Variants in SNX10 observed in about 807,000 individuals in gnomAD.
The protein encoded by SNX10 is sorting nexin-10.
In SNX10, 25 loss-of-function variants were observed where a neutral mutation model predicts 28.5. That is an observed-to-expected ratio of 0.88 (90% CI 0.64 to 1.22). SNX10 has a LOEUF of 1.22. Among genes scored for constraint, SNX10 ranks in the 50% most tolerant of loss-of-function variants. The pLI is 0.00. For missense variants in SNX10, 223 were observed against 242.6 expected (o/e 0.92, Z 0.54); for synonymous variants, 62 against 81.4 (o/e 0.76, Z 1.28).
intron 1 of SNX10, among the ~76,000 whole-genome samples, chr7:26,335,909 A>G (rs1434296353): frequency 6.6e-6 from 1 of 150,654 alleles, no homozygotes; most frequent in Admixed American, 6.6e-5. Flanking sequence ...GCGCCCGGCT[A>G]ATTTTTTGTA....
At chr7:26,316,857 G>A (rs566359356) in intron 1 of SNX10, among the ~76,000 whole-genome samples, 90 of 152,248 alleles carry the variant, frequency 5.9e-4, no homozygotes, top group African/African-American at 2.0e-3. Context: ...CTGTCTGTGC[G>A]AATGTGTATG....
chr7:26,318,133 A>G (rs185893908), intron 1 of SNX10, among the ~76,000 whole-genome samples: 1 of 152,366 alleles, frequency 6.6e-6, no homozygotes, highest in East Asian at 1.9e-4. Context: ...CACATCGCCT[A>G]CATTTCTGAT....
chr7:26,351,682 A>T lies in SNX10; in HGVS notation c.24+5216A>T, dbSNP rs1788611090. Among the ~76,000 whole-genome samples the T allele has an allele frequency of 2.6e-5, 3 of 114,584 alleles. No individual in the cohort carries two copies. In the Admixed American group the frequency reaches 3.6e-4, roughly 14 times the overall value. The allele number at this position is 114,584 out of a possible 152,430, so 75.2% of individuals were successfully genotyped here. A position where few individuals can be genotyped will look rare whatever the true frequency, so the allele number is the denominator to read the frequency against. On this transcript the variant is annotated intron_variant, in intron 2 of 6. Transcript: ENST00000338523. ...TTGTTTTTTTTTTTTTTTGAGACCG[A>T]GTCTCTCTCTGTCGCCCAGGCTGGA... is the stretch of plus-strand genomic sequence containing the variant.
At chr7:26,353,391 A>G (rs1007153349) in intron 2 of SNX10, among the ~76,000 whole-genome samples, 6 of 142,868 alleles carry the variant, frequency 4.2e-5, no homozygotes, top group Admixed American at 1.5e-4. Context: ...AAATTGTTAT[A>G]TGGGGGTCCT....
At chr7:26,303,198 G>A (rs150425270) in intron 1 of SNX10, among the ~76,000 whole-genome samples, 1 of 152,284 alleles carries the variant, frequency 6.6e-6, no homozygotes, top group East Asian at 1.9e-4. Context: ...TCATCCCTTT[G>A]TGCTTCAGCT....
chr7:26,344,000 T>C (rs1374040096), intron 1 of SNX10, among the ~76,000 whole-genome samples: 4 of 152,080 alleles, frequency 2.6e-5, no homozygotes, highest in African/African-American at 9.7e-5. Flanking sequence ...AAATGTACCA[T>C]CTGATCCATT....
chr7:26,350,890 T>C (rs1379017693), intron 2 of SNX10, among the ~76,000 whole-genome samples: 1 of 152,222 alleles, frequency 6.6e-6, no homozygotes, highest in East Asian at 1.9e-4. Flanking sequence ...TTACAGGTAC[T>C]GTGAGGACTC....
rs1010385374 is a variant in SNX10 at position 26,315,292 on chromosome 7, T to G, written c.-24+23206T>G. Among the ~76,000 whole-genome samples the G allele has an allele frequency of 6.4e-4, 98 of 152,214 alleles. 1 individual carries two copies. The highest frequency in any genetic ancestry group is 2.0e-4 in the Admixed American group (3 of 15,276). On this transcript the variant is annotated intron_variant, in intron 1 of 6. Transcript: ENST00000338523. ...ATGCCATTATCATATCCTGGAAATT[T>G]AACTTTATACAGTACATTATCTAAT... is the stretch of plus-strand genomic sequence containing the variant.
intron 5 of SNX10, among the ~76,000 whole-genome samples, chr7:26,370,137 G>T (rs1789460249): frequency 6.6e-6 from 1 of 152,164 alleles, no homozygotes; most frequent in Non-Finnish European, 1.5e-5. Context: ...TGTACTTATG[G>T]CAGGCAGGAA....
chr7:26,330,927 A>T (rs372881940), intron 1 of SNX10, among the ~76,000 whole-genome samples: 5 of 152,252 alleles, frequency 3.3e-5, no homozygotes, highest in African/African-American at 9.6e-5. Flanking sequence ...AGACAGGAGG[A>T]TCACTTGAGC....
intron 1 of SNX10, among the ~76,000 whole-genome samples, chr7:26,341,160 A>G (rs73285219): frequency 0.034 from 5,108 of 152,172 alleles, 213 homozygotes; most frequent in African/African-American, 0.11. Flanking sequence ...TTAGTCAGGC[A>G]TGGTGGCTTG....
intron 1 of SNX10, among the ~76,000 whole-genome samples, chr7:26,318,698 G>C (rs11973583): frequency 0.52 from 78,658 of 152,024 alleles, 20,665 homozygotes; most frequent in East Asian, 0.79. Context: ...TTTCGAACTT[G>C]AGACTCAAGT....
At chr7:26,346,656 T>C (rs1203302274) in intron 2 of SNX10, among the ~76,000 whole-genome samples, 190 bp downstream of exon 2, 4 of 152,166 alleles carry the variant, frequency 2.6e-5, no homozygotes, top group African/African-American at 7.2e-5. Flanking sequence ...TGGGTTCCAG[T>C]GACTCAGCTG....
chr7:26,307,534 G>T (rs549675051), intron 1 of SNX10, among the ~76,000 whole-genome samples: 1 of 152,234 alleles, frequency 6.6e-6, no homozygotes, highest in Admixed American at 6.5e-5. Flanking sequence ...TGCAACCTCT[G>T]CCTCCCAGGC....
chr7:26,299,690 C>T (rs1236799086), intron 1 of SNX10, among the ~76,000 whole-genome samples: 1 of 152,076 alleles, frequency 6.6e-6, no homozygotes, highest in East Asian at 1.9e-4. Context: ...TCCCAAACTG[C>T]TGGGATTACA....
intron 1 of SNX10, among the ~76,000 whole-genome samples, chr7:26,325,162 GATCCT>G (rs1379873904): frequency 3.8e-4 from 58 of 151,406 alleles, no homozygotes; most frequent in Non-Finnish European, 2.1e-4. Flanking sequence ...ATAAGATTAG[GATCCT>G]AGTACGTTCA....
In SNX10 at chr7:26,316,185, A is replaced by G. The variant is rs140421509; in HGVS notation, c.-24+24099A>G. ...GGAGACAGAGCGAGACTGTCTCAAA[A>G]AAAAAAAAAAAACAAAAAACCTAGA... On this transcript the variant is annotated intron_variant, in intron 1 of 6. Transcript: ENST00000338523. 3.3e-3 allele frequency among the ~76,000 whole-genome samples: 503 copies of G among 151,932 alleles called. 13 individuals are homozygous for G. The East Asian group carries it at 0.079, about 24-fold the overall frequency.
chr7:26,306,128 T>C (rs1786583832), intron 1 of SNX10, among the ~76,000 whole-genome samples: 1 of 151,878 alleles, frequency 6.6e-6, no homozygotes, highest in Non-Finnish European at 1.5e-5. Context: ...GGTCTCGAAC[T>C]CCTGAGCTGA....
intron 3 of SNX10, among the ~76,000 whole-genome samples, chr7:26,362,782 G>A (rs1789130197): frequency 6.6e-6 from 1 of 152,142 alleles, no homozygotes; most frequent in Non-Finnish European, 1.5e-5. Flanking sequence ...ACACAACTCT[G>A]GGATCTTAAC....
Sources: gnomAD v4.1 joint callset for allele counts (sites outside exome capture counted in the v4.1 genomes callset) on GRCh38, gnomAD v4.1.1 for gene constraint, MANE v1.5 for transcripts, NCBI Gene and HGNC (gene_info 2026-07-23, HGNC 2026-07-21) for gene names.